Variants in RAB13 observed in about 807,000 individuals in gnomAD.
RAB13 encodes the protein ras-related protein Rab-13.
Under a neutral mutation model 29.3 loss-of-function variants are expected in RAB13, and 15 were observed. The observed-to-expected ratio is 0.51, with a 90% CI of 0.34 to 0.79. The LOEUF (loss-of-function observed/expected upper bound fraction) is 0.79. RAB13 is among the 30% of genes least tolerant of loss of function. The pLI is 0.01. For missense variants in RAB13, 186 were observed against 255.5 expected (o/e 0.73, Z 1.85); for synonymous variants, 82 against 93.8 (o/e 0.87, Z 0.73).
At chr1:153,990,640 C>T, upstream of RAB13, 2 of 899,036 alleles carry the variant, frequency 2.2e-6, no homozygotes, top group Non-Finnish European at 1.8e-6. Context: ...CCGAAAATGG[C>T]AGCTCCCTTG....
In RAB13 at chr1:153,983,633, C is replaced by T. The variant is rs535490466; in HGVS notation, c.186-52G>A. On this transcript the variant is annotated intron_variant, in intron 2 of 7. Coordinates refer to ENST00000368575, the MANE Select transcript of RAB13 (RefSeq NM_002870.5). ...TGGAATAGAGGGAAGAATTCTCCAACGGAATAATTCTTCCTCTCTCACAAG... is the reference window on the plus strand; with the variant it reads ...TGGAATAGAGGGAAGAATTCTCCAATGGAATAATTCTTCCTCTCTCACAAG... 100 of 1,450,988 alleles carry T rather than the reference C, an allele frequency of 6.9e-5. No individual in the cohort carries two copies. In the African/African-American group the frequency reaches 7.8e-4, roughly 11 times the overall value. The allele number at this position is 1,450,988 out of a possible 1,614,324, so 89.9% of individuals were successfully genotyped here. A position where few individuals can be genotyped will look rare whatever the true frequency, so the allele number is the denominator to read the frequency against.
At position 153,982,571 on chromosome 1, in the gene RAB13, G is replaced by A; in HGVS notation, c.444C>T (p.Phe148=). 2 of 1,613,854 alleles carry A rather than the reference G, an allele frequency of 1.2e-6. No homozygotes were observed. The highest frequency in any genetic ancestry group is 1.1e-5 in the South Asian group (1 of 91,068). Residue 148 remains phenylalanine, a synonymous_variant, in exon 6 of 8, where the codon TTC becomes TTT. Transcript: ENST00000368575. ...TCATACTGGATTTAGCACTAGTTTC[G>A]AAAAATCGGATTCCATGCTCTCGAG... ...KLAREHGIRF[F]ETSAKSSMNV...
upstream of RAB13, among the ~76,000 whole-genome samples, chr1:153,988,871 C>T (rs1649265425): frequency 6.7e-6 from 1 of 149,628 alleles, no homozygotes. Context: ...CTCTGCCTCC[C>T]AAAGGCCTGG....
chr1:153,982,711 G>T lies in RAB13; in HGVS notation c.414+8C>A, dbSNP rs547968945. 7 of 1,614,052 alleles carry T rather than the reference G, an allele frequency of 4.3e-6. No individual in the cohort carries two copies. In the East Asian group the frequency reaches 1.6e-4, roughly 36 times the overall value. On this transcript the variant is annotated splice_region_variant and intron_variant, in intron 5 of 7. Transcript: ENST00000368575. ...CAGTTCTAGAACATTGCTCAGCCTG[G>T]CCCTCACCTTATCGGCCTGCTCCTT...
chr1:153,983,352 C>T, intron 3 of RAB13, 56 bp from the exon 4 acceptor site: 6 of 1,547,004 alleles, frequency 3.9e-6, no homozygotes, highest in Non-Finnish European at 5.4e-6. Flanking sequence ...TTCCCACTGC[C>T]CTGTAAGTGA....
chr1:153,984,936 A>C (rs1649113195), intron 1 of RAB13, 155 bp from the exon 2 acceptor site: 1 of 1,381,166 alleles, frequency 7.2e-7, no homozygotes, highest in Non-Finnish European at 9.3e-7. Context: ...AGCTAGGAGA[A>C]TTTTCCCAAA....
chr1:153,982,878 G>T, intron 4 of RAB13, 70 bp from the exon 5 acceptor site: 1 of 1,505,070 alleles, frequency 6.6e-7, no homozygotes, highest in South Asian at 1.1e-5. Context: ...TGTAATCCCA[G>T]CACTTTGGGA....
Position 153,982,399 on chromosome 1 carries a change from G to A in RAB13, c.526C>T (p.Arg176Trp), listed in dbSNP as rs759880514. 9 of 1,612,696 alleles carry A rather than the reference G, an allele frequency of 5.6e-6. No homozygotes were observed. Among genetic ancestry groups the A allele is most frequent in the South Asian group, 2.2e-5 (2 of 91,036 alleles). The change falls in exon 7 of 8, where the codon CGG (arginine) becomes TGG (tryptophan). Residue 176 changes from arginine (R) to tryptophan (W), a missense_variant. By Grantham distance (101) the Arg-to-Trp change is moderately radical. Transcript: ENST00000368575. ...ARDILLKSGG[R>W]RSGNGNKPPS... is the part of the protein sequence containing the mutation. ...CAGCAAAACCAACTTACTGATCTCC[G>A]GCCTCCTGACTTGAGCAAGATGTCC...
chr1:153,989,119 A>G (rs1240880998), upstream of RAB13, among the ~76,000 whole-genome samples: 1 of 109,284 alleles, frequency 9.2e-6, no homozygotes, highest in African/African-American at 3.5e-5. Flanking sequence ...TTTAGTCGAG[A>G]CGGGGTTTCA....
rs201720331 is a variant in RAB13, at chr1:153,982,813, G to A, written c.325-5C>T. ...CTCCACCCCAGCCGAGGCATTCTGG[G>A]GGCAAAAGACAAGTAAAAGTTAGGT... is the stretch of plus-strand genomic sequence containing the variant. On this transcript the variant is annotated splice_region_variant and splice_polypyrimidine_tract_variant and intron_variant, in intron 4 of 7. Coordinates refer to ENST00000368575, the MANE Select transcript of RAB13 (RefSeq NM_002870.5). The A allele has an allele frequency of 4.3e-6, 7 of 1,614,058 alleles. No individual in the cohort carries two copies. The highest frequency in any genetic ancestry group is 1.3e-5 in the African/African-American group (1 of 75,044).
rs1356717163 is a variant in RAB13 at position 153,984,747 on chromosome 1, C to T, written c.159G>A (p.Glu53=). The T allele has an allele frequency of 1.2e-6, 2 of 1,613,670 alleles. No individual in the cohort carries two copies. The highest frequency in any genetic ancestry group is 3.3e-4 in the Middle Eastern group (2 of 6,060). The change falls in exon 2 of 8, where the codon GAG becomes GAA. Residue 53 remains glutamate, a synonymous_variant. Transcript: ENST00000368575. ...IDFKIRTVDI[E]GKKIKLQVWD... is the part of the protein sequence containing the mutation. ...AGACTTGTAGTTTGATCTTCTTCCC[C>T]TCTATATCCACAGTGCGGATCTTGA...
At chr1:153,990,013 C>G (rs1473764718), upstream of RAB13, among the ~76,000 whole-genome samples, 1 of 152,206 alleles carries the variant, frequency 6.6e-6, no homozygotes, top group Non-Finnish European at 1.5e-5. Context: ...TGTCCATTCT[C>G]TCACCTCTCA....
At chr1:153,987,440 C>A (rs528413932), upstream of RAB13, among the ~76,000 whole-genome samples, 16 of 147,630 alleles carry the variant, frequency 1.1e-4, no homozygotes, top group East Asian at 2.4e-3. Context: ...GGCGTGAACC[C>A]GGGAGGCAGA....
intron 2 of RAB13, among the ~76,000 whole-genome samples, chr1:153,984,379 G>A (rs1649096706): frequency 6.6e-6 from 1 of 152,102 alleles, no homozygotes; most frequent in Non-Finnish European, 1.5e-5. Context: ...CCATATTTTG[G>A]AGAAAACACT....
chr1:153,982,318 CACACACACACACACACATACAT>C lies in RAB13; in HGVS notation c.534+51_534+72del, dbSNP rs1470459651. ...ATCAACACCAACACACACACACACA[CACACACACACACACACATACAT>C]ACACACACACACACCCCAGAGTTGT... On this transcript the variant is annotated intron_variant, in intron 7 of 7. Coordinates refer to ENST00000368575, the MANE Select transcript of RAB13 (RefSeq NM_002870.5). 3.4e-6 allele frequency: 5 copies of C among 1,486,070 alleles called. No homozygotes were observed. The African/African-American group carries it at 4.8e-5, about 14-fold the overall frequency. The allele number at this position is 1,486,070 out of a possible 1,614,324, so 92.1% of individuals were successfully genotyped here.
Position 153,982,376 on chromosome 1 carries a change from G to A in RAB13, c.534+15C>T. The A allele has an allele frequency of 6.2e-7, 1 of 1,607,988 alleles. No individual in the cohort carries two copies. Among genetic ancestry groups the A allele is most frequent in the Non-Finnish European group, 8.5e-7 (1 of 1,175,358 alleles). The stretch of plus-strand genomic sequence containing the variant: ...ACACCCCAGAGTTGTACCTAGTCCA[G>A]CAAAACCAACTTACTGATCTCCGGC... On this transcript the variant is annotated intron_variant, in intron 7 of 7. Transcript: ENST00000368575.
chr1:153,982,788 C>T lies in RAB13; in HGVS notation c.345G>A (p.Glu115=), dbSNP rs773169319. The T allele has an allele frequency of 1.2e-6, 2 of 1,614,144 alleles. No homozygotes were observed. The highest frequency in any genetic ancestry group is 1.1e-5 in the South Asian group (1 of 91,082). The stretch of plus-strand genomic sequence containing the variant: ...CACATTTGTTCCCCAGCAAGAGGCG[C>T]TCCACCCCAGCCGAGGCATTCTGGG... ...SIKENASAGV[E]RLLLGNKCDM... is the part of the protein sequence containing the mutation. The change falls in exon 5 of 8, where the codon GAG becomes GAA. Residue 115 remains glutamate, a synonymous_variant. Coordinates refer to ENST00000368575, the MANE Select transcript of RAB13 (RefSeq NM_002870.5).
At position 153,986,105 on chromosome 1, in the gene RAB13, G is replaced by T; in HGVS notation, c.124+8C>A. On this transcript the variant is annotated splice_region_variant and intron_variant, in intron 1 of 7. Coordinates refer to ENST00000368575, the MANE Select transcript of RAB13 (RefSeq NM_002870.5). ...AGTCGGGGTCTGGGACATGGCCAGC[G>T]GGCTCACCGATGGTGGAGATGTAAG... The T allele has an allele frequency of 6.2e-7, 1 of 1,613,256 alleles. No homozygotes were observed.
upstream of RAB13, chr1:153,986,386 G>C: frequency 1.5e-6 from 1 of 671,870 alleles, no homozygotes; most frequent in Non-Finnish European, 2.5e-6. Flanking sequence ...AGGAGAGGCG[G>C]CACCCCTCCG....
Sources: allele counts gnomAD v4.1 joint callset (sites outside exome capture counted in the v4.1 genomes callset), GRCh38; gene constraint gnomAD v4.1.1; transcripts MANE v1.5; gene names NCBI Gene and HGNC (gene_info 2026-07-23, HGNC 2026-07-21).